LIMCH1: variants seen among roughly 807,000 people sequenced by gnomAD.
LIMCH1 encodes LIM and calponin homology domains-containing protein 1.
A neutral mutation model predicts 176.5 loss-of-function variants in LIMCH1; 113 were observed. The observed-to-expected ratio is 0.64, with a 90% CI of 0.55 to 0.75. The LOEUF (loss-of-function observed/expected upper bound fraction) is 0.75, where lower values mean the gene tolerates loss of function less well. Ranked by LOEUF, LIMCH1 falls within the 30% of genes least tolerant of loss-of-function variation. The pLI is 0.00. For synonymous variants in LIMCH1, 619 were observed against 645.9 expected (o/e 0.96, Z 0.63); for missense variants, 1,674 against 1,814.9 (o/e 0.92, Z 1.41).
Position 41,608,707 on chromosome 4 carries a change from C to T in LIMCH1, c.9+2703C>T, listed in dbSNP as rs144413769. ...TAAAGGATCTCTAACATCACAGTGA[C>T]AGTGGCCTTTCACTGAGACTGGATA... On this transcript the variant is annotated intron_variant, in intron 4 of 31. Transcript: ENST00000503057. Among the ~76,000 whole-genome samples the T allele has an allele frequency of 4.8e-3, 731 of 152,186 alleles. 4 individuals are homozygous for T. Among genetic ancestry groups the T allele is most frequent in the African/African-American group, 0.017 (702 of 41,498 alleles).
At chr4:41,616,698 C>T (rs749154131) in intron 5 of LIMCH1, among the ~76,000 whole-genome samples, 2 of 152,122 alleles carry the variant, frequency 1.3e-5, no homozygotes, top group Admixed American at 1.3e-4. Context: ...AAGACTCTGA[C>T]ATTTCCCAAG....
In LIMCH1 at chr4:41,450,132, G is replaced by A. The variant is rs368725375; in HGVS notation, c.97-44404G>A. Among the ~76,000 whole-genome samples the A allele has an allele frequency of 4.1e-4, 63 of 152,228 alleles. 1 individual carries two copies. The highest frequency in any genetic ancestry group is 1.1e-3 in the African/African-American group (47 of 41,534). ...ACTTCATATGAGTTTGCAGAGTGGCGCACAATTCAGTCCATAACATTTGAT... is the reference window on the plus strand; with the variant it reads ...ACTTCATATGAGTTTGCAGAGTGGCACACAATTCAGTCCATAACATTTGAT... On this transcript the variant is annotated intron_variant, in intron 1 of 26. Coordinates refer to the LIMCH1 transcript ENST00000313860.
chr4:41,583,926 T>C (rs11935139), intron 1 of LIMCH1, among the ~76,000 whole-genome samples: 4 of 151,732 alleles, frequency 2.6e-5, no homozygotes, highest in Admixed American at 1.3e-4. Context: ...TTGTTTTGGG[T>C]TTTTTTTTAT....
At chr4:41,672,818 A>G (rs991409939) in intron 22 of LIMCH1, among the ~76,000 whole-genome samples, 5 of 152,156 alleles carry the variant, frequency 3.3e-5, no homozygotes, top group Admixed American at 1.3e-4. Flanking sequence ...CCACATAATC[A>G]CTACTGTGCC....
At chr4:41,695,345 A>G (rs1333221183) in intron 31 of LIMCH1, among the ~76,000 whole-genome samples, 1 of 150,564 alleles carries the variant, frequency 6.6e-6, no homozygotes, top group Non-Finnish European at 1.5e-5. Context: ...TTTCTCCTTC[A>G]CATGTAAATA....
At chr4:41,687,101 C>T (rs972161362) in intron 28 of LIMCH1, among the ~76,000 whole-genome samples, 14 of 152,216 alleles carry the variant, frequency 9.2e-5, no homozygotes, top group African/African-American at 2.4e-4. Context: ...TGGACTCCCA[C>T]GCTGTTCGCT....
chr4:41,443,192 C>CTTTTTTTTT (rs916559501), intron 1 of LIMCH1, among the ~76,000 whole-genome samples: 15 of 39,698 alleles, frequency 3.8e-4, no homozygotes, highest in Non-Finnish European at 5.4e-4. Flanking sequence ...TGTTTTTTTT[C>CTTTTTTTTT]TTTTTTTTTT....
At chr4:41,515,811 T>TGGGA (rs1335784166) in intron 2 of LIMCH1, among the ~76,000 whole-genome samples, 2 of 152,202 alleles carry the variant, frequency 1.3e-5, no homozygotes, top group Non-Finnish European at 2.9e-5. Flanking sequence ...GAGAACTTCT[T>TGGGA]GCTAAAGAAG....
At chr4:41,609,627 T>C (rs1400376744) in intron 4 of LIMCH1, 2 of 455,944 alleles carry the variant, frequency 4.4e-6, no homozygotes, top group Admixed American at 4.7e-5. Context: ...TGGTTCTTGT[T>C]ATGTCTGAGA....
Position 41,522,463 on chromosome 4 carries a change from ATCC to A in LIMCH1, c.168-1944_168-1942del, listed in dbSNP as rs869141418. ...GTGACAGTGAGATATTTTACTGTATATCCTTTTGATGCTTTTGAGTTGTCAACA... is the reference window on the plus strand; with the variant it reads ...GTGACAGTGAGATATTTTACTGTATATTTTGATGCTTTTGAGTTGTCAACA... On this transcript the variant is annotated intron_variant, in intron 2 of 26. Coordinates refer to the LIMCH1 transcript ENST00000313860. Among the ~76,000 whole-genome samples the A allele has an allele frequency of 9.6e-5, 10 of 103,726 alleles. No individual in the cohort carries two copies. In the South Asian group the frequency reaches 3.1e-3, roughly 32 times the overall value. The allele number at this position is 103,726 out of a possible 152,430, so 68.0% of individuals were successfully genotyped here. A position where few individuals can be genotyped will look rare whatever the true frequency, so the allele number is the denominator to read the frequency against.
chr4:41,417,463 C>A (rs895055249), intron 1 of LIMCH1, among the ~76,000 whole-genome samples: 1 of 152,126 alleles, frequency 6.6e-6, no homozygotes, highest in Non-Finnish European at 1.5e-5. Flanking sequence ...GAAAAACAAC[C>A]CTGATAGGCG....
intron 1 of LIMCH1, among the ~76,000 whole-genome samples, chr4:41,587,900 C>T (rs1373029309): frequency 2.0e-5 from 3 of 152,076 alleles, no homozygotes; most frequent in Admixed American, 6.5e-5. Context: ...TTCAAAATAC[C>T]GTAACATATC....
At chr4:41,692,448 A>G (rs1432032109) in intron 31 of LIMCH1, 64 bp downstream of exon 31, 2 of 1,004,002 alleles carry the variant, frequency 2.0e-6, no homozygotes, top group African/African-American at 3.2e-5. Context: ...ATAGGACCCA[A>G]TTTAGGAATT....
chr4:41,416,914 G>A (rs566546650), intron 1 of LIMCH1, among the ~76,000 whole-genome samples: 10 of 152,080 alleles, frequency 6.6e-5, no homozygotes, highest in East Asian at 1.9e-4. Context: ...CAGTGTCTCC[G>A]GCAGCTGAGA....
intron 1 of LIMCH1, among the ~76,000 whole-genome samples, chr4:41,570,601 T>C (rs2083409715): frequency 6.6e-6 from 1 of 152,218 alleles, no homozygotes. Flanking sequence ...GAGGAAATTA[T>C]AATTTCCACC....
At chr4:41,636,884 T>C (rs1408900722) in intron 13 of LIMCH1, among the ~76,000 whole-genome samples, 1 of 152,250 alleles carries the variant, frequency 6.6e-6, no homozygotes, top group East Asian at 1.9e-4. Context: ...AACGCTAATC[T>C]ATGCATATGT....
intron 26 of LIMCH1, among the ~76,000 whole-genome samples, chr4:41,683,324 G>T (rs1038593834): frequency 1.3e-5 from 2 of 152,062 alleles, no homozygotes; most frequent in African/African-American, 4.8e-5. Flanking sequence ...CCCCTGGAGC[G>T]CTCAAAACTA....
intron 1 of LIMCH1, among the ~76,000 whole-genome samples, chr4:41,474,597 A>G (rs190547222): frequency 2.2e-4 from 34 of 152,332 alleles, no homozygotes; most frequent in Non-Finnish European, 4.7e-4. Context: ...TAATCACTAG[A>G]AAAATGCAAA....
rs1043281785 is a variant in LIMCH1 at position 41,594,755 on chromosome 4, C to T, written c.-240-4165C>T. Among the ~76,000 whole-genome samples the T allele has an allele frequency of 5.9e-5, 9 of 152,226 alleles. No homozygotes were observed. The South Asian group carries it at 1.2e-3, about 21-fold the overall frequency. On this transcript the variant is annotated intron_variant, in intron 1 of 31. Coordinates refer to ENST00000503057, the MANE Select transcript of LIMCH1 (RefSeq NM_001330672.2). ...AAAGCTTTTGTGTTTGCAGGCTGCA[C>T]GCTGAACACAGCATGGTGTTCAAAG... is the stretch of plus-strand genomic sequence containing the variant.
Sources: gnomAD v4.1 joint callset for allele counts (sites outside exome capture counted in the v4.1 genomes callset) on GRCh38, gnomAD v4.1.1 for gene constraint, MANE v1.5 for transcripts, NCBI Gene and HGNC (gene_info 2026-07-23, HGNC 2026-07-21) for gene names.